The following CHRM2 variants were observed in gnomAD, a reference collection of about 807,000 sequenced individuals.
CHRM2 encodes cholinergic receptor muscarinic 2, also known as muscarinic acetylcholine receptor M2.
A neutral mutation model predicts 25.0 loss-of-function variants in CHRM2; 8 were observed. The ratio of observed to expected loss-of-function variants is 0.32; its 90% CI spans 0.19 to 0.58. CHRM2 has a LOEUF of 0.58. CHRM2 is among the 20% of genes least tolerant of loss of function. The pLI is 0.88. For synonymous variants in CHRM2, 202 were observed against 205.7 expected (o/e 0.98, Z 0.15); for missense variants, 440 against 567.1 (o/e 0.78, Z 2.28).
chr7:136,971,682 T>C (rs1801784784), intron 2 of CHRM2, among the ~76,000 whole-genome samples: 1 of 150,298 alleles, frequency 6.7e-6, no homozygotes, highest in Non-Finnish European at 1.5e-5. Flanking sequence ...AAAAATATAG[T>C]TATAAAAACA....
chr7:136,983,542 G>A (rs1229550179), intron 2 of CHRM2, among the ~76,000 whole-genome samples: 1 of 152,146 alleles, frequency 6.6e-6, no homozygotes, highest in Admixed American at 6.6e-5. Flanking sequence ...CAGCCTTTTT[G>A]CACTGGTTTT....
chr7:137,006,710 A>G (rs1452877988), intron 3 of CHRM2, among the ~76,000 whole-genome samples: 21 of 151,980 alleles, frequency 1.4e-4, no homozygotes, highest in Admixed American at 1.3e-3. Context: ...ACAAACCTTA[A>G]GGGTACAGCT....
chr7:136,883,126 G>A (rs374750108), intron 2 of CHRM2, among the ~76,000 whole-genome samples: 16 of 152,204 alleles, frequency 1.1e-4, no homozygotes, highest in South Asian at 8.3e-4. Context: ...AGGGCTTAGC[G>A]TTCCCTCCTA....
chr7:136,905,321 GT>G (rs1461344449), intron 2 of CHRM2, among the ~76,000 whole-genome samples: 2 of 151,288 alleles, frequency 1.3e-5, no homozygotes, highest in Admixed American at 6.6e-5. Flanking sequence ...AAATGCACTC[GT>G]TTTTTATTTG....
chr7:136,950,121 C>G, intron 2 of CHRM2, among the ~76,000 whole-genome samples: 1 of 152,108 alleles, frequency 6.6e-6, no homozygotes, highest in East Asian at 1.9e-4. Context: ...ACTAATTAAA[C>G]TAAACATCTC....
rs540464767 is a variant in CHRM2 at position 136,892,704 on chromosome 7, C to A, written c.-125+23286C>A. ...TTTTTTTTTGATACAGGGTCTTGCT[C>A]TGTTGCCCAAGCTGGAGTGCAGTGG... On this transcript the variant is annotated intron_variant, in intron 2 of 3. Coordinates refer to ENST00000680005, the MANE Select transcript of CHRM2 (RefSeq NM_001006630.2). Among the ~76,000 whole-genome samples, 94 of 146,024 alleles carry A rather than the reference C, an allele frequency of 6.4e-4. No homozygotes were observed. The South Asian group carries it at 0.018, about 28-fold the overall frequency.
chr7:136,972,658 T>C (rs953700569), intron 2 of CHRM2, among the ~76,000 whole-genome samples: 2 of 152,258 alleles, frequency 1.3e-5, no homozygotes, highest in Admixed American at 6.5e-5. Context: ...GCATTGTTGA[T>C]GAAGGTGGTA....
intron 2 of CHRM2, among the ~76,000 whole-genome samples, chr7:136,918,975 T>C (rs1472731143): frequency 6.6e-6 from 1 of 152,148 alleles, no homozygotes; most frequent in Non-Finnish European, 1.5e-5. Context: ...TCATTAATGG[T>C]ATAAATACTT....
At chr7:136,941,117 T>A (rs953312050) in intron 2 of CHRM2, among the ~76,000 whole-genome samples, 1 of 152,198 alleles carries the variant, frequency 6.6e-6, no homozygotes, top group African/African-American at 2.4e-5. Context: ...CCACTAAGCT[T>A]TTCTTAGTAC....
intron 2 of CHRM2, among the ~76,000 whole-genome samples, chr7:136,923,624 C>T (rs1309228211): frequency 6.6e-6 from 1 of 152,194 alleles, no homozygotes; most frequent in Non-Finnish European, 1.5e-5. Context: ...ACACTAAAAT[C>T]TCAACTTGCA....
chr7:136,920,819 G>C (rs1041488923), intron 2 of CHRM2, among the ~76,000 whole-genome samples: 108 of 152,030 alleles, frequency 7.1e-4, no homozygotes, highest in Non-Finnish European at 3.2e-4. Flanking sequence ...TTCTTCATCA[G>C]CTCACTTCTG....
At chr7:136,927,410 GTGTGTGTGTGTA>G (rs1469930385) in intron 2 of CHRM2, among the ~76,000 whole-genome samples, 1 of 151,826 alleles carries the variant, frequency 6.6e-6, no homozygotes, top group African/African-American at 2.4e-5. Flanking sequence ...GGTGGTGTGG[GTGTGTGTGTGTA>G]TGTGTGTGTG....
At chr7:136,947,523 G>A (rs1354594896) in intron 2 of CHRM2, among the ~76,000 whole-genome samples, 6 of 152,044 alleles carry the variant, frequency 3.9e-5, no homozygotes, top group Non-Finnish European at 8.8e-5. Context: ...ATCTTTCCTT[G>A]GAAAGCTTAT....
intron 2 of CHRM2, chr7:136,870,582 C>T (rs1191577793): frequency 6.6e-6 from 1 of 152,444 alleles, no homozygotes; most frequent in African/African-American, 2.4e-5. Flanking sequence ...AGGCTGAGTC[C>T]ACCGACCCGC....
chr7:137,011,205 GTGTGTGTGTGTA>G (rs1225433302), intron 3 of CHRM2, among the ~76,000 whole-genome samples: 4 of 125,904 alleles, frequency 3.2e-5, no homozygotes, highest in Non-Finnish European at 6.4e-5. Context: ...GTGTGTGTGT[GTGTGTGTGTGTA>G]TATATATATA....
At chr7:136,937,409 G>T (rs911004054) in intron 2 of CHRM2, among the ~76,000 whole-genome samples, 7 of 151,662 alleles carry the variant, frequency 4.6e-5, no homozygotes, top group South Asian at 2.1e-4. Context: ...AGTTTTTTTT[G>T]AATATTAATT....
chr7:136,895,022 T>C (rs1487342713), intron 2 of CHRM2, among the ~76,000 whole-genome samples: 1 of 152,210 alleles, frequency 6.6e-6, no homozygotes, highest in Admixed American at 6.5e-5. Context: ...GGAGTACCTA[T>C]GCATCTCTTT....
chr7:136,877,575 CTCT>C (rs924508708), intron 2 of CHRM2, among the ~76,000 whole-genome samples: 12 of 151,962 alleles, frequency 7.9e-5, no homozygotes, highest in African/African-American at 2.4e-4. Flanking sequence ...GGACTTCTTC[CTCT>C]TCTTCTCTCC....
At chr7:136,982,035 A>G (rs904979595) in intron 2 of CHRM2, among the ~76,000 whole-genome samples, 6 of 152,084 alleles carry the variant, frequency 3.9e-5, no homozygotes, top group African/African-American at 1.2e-4. Flanking sequence ...TCTAATATTG[A>G]CAGTGGGGTG....
Sources: allele counts gnomAD v4.1 joint callset (sites outside exome capture counted in the v4.1 genomes callset), GRCh38; gene constraint gnomAD v4.1.1; transcripts MANE v1.5; gene names NCBI Gene and HGNC (gene_info 2026-07-23, HGNC 2026-07-21).